The following SCN3A variants were observed in gnomAD, a reference collection of about 807,000 sequenced individuals.
The protein encoded by SCN3A is sodium channel protein type 3 subunit alpha.
SCN3A carries 60 observed loss-of-function variants against 187.6 expected under a neutral mutation model. The ratio of observed to expected loss-of-function variants is 0.32; its 90% CI spans 0.26 to 0.40. The LOEUF is 0.40. Ranked by LOEUF, SCN3A falls within the 10% of genes least tolerant of loss-of-function variation. SCN3A has a pLI of 1.00. For synonymous variants in SCN3A, 788 were observed against 829.2 expected (o/e 0.95, Z 0.85); for missense variants, 1,601 against 2,428.2 (o/e 0.66, Z 7.16).
intron 7 of SCN3A, among the ~76,000 whole-genome samples, chr2:165,163,224 TCA>T (rs1689517541): frequency 1.1e-5 from 1 of 93,324 alleles, no homozygotes; most frequent in African/African-American, 6.0e-5. Context: ...AATGTAAGTC[TCA>T]TGTCTCATGC....
At chr2:165,160,608 C>CT (rs140955112) in intron 9 of SCN3A, among the ~76,000 whole-genome samples, 34,372 of 151,584 alleles carry the variant, frequency 0.23, 5,105 homozygotes, top group East Asian at 0.52. Context: ...AAATTCTTTT[C>CT]TTTTTTTAGA....
Position 165,091,338 on chromosome 2 carries a change from A to G in SCN3A, c.4815T>C (p.Phe1605=). Residue 1605 remains phenylalanine, a synonymous_variant, in exon 28 of 28, where the codon TTT becomes TTC. Transcript: ENST00000283254. ...VVVILSIVGM[F]LAEMIEKYFV... ...AATACTTTTCTATCATCTCAGCCAG[A>G]AACATACCTATGGAAAACATAGAAC... 6.2e-7 allele frequency: 1 copy of G among 1,613,946 alleles called. No homozygotes were observed. Among genetic ancestry groups the G allele is most frequent in the Non-Finnish European group, 8.5e-7 (1 of 1,179,852 alleles).
chr2:165,112,724 T>C (rs776462254), intron 21 of SCN3A, among the ~76,000 whole-genome samples, 161 bp downstream of exon 21: 1 of 152,216 alleles, frequency 6.6e-6, no homozygotes. Context: ...TCCTCTACTC[T>C]TTCCCATGAG....
In SCN3A at chr2:165,176,268, T is replaced by C. The variant is rs1245147180; in HGVS notation, c.127A>G (p.Asn43Asp). The C allele has an allele frequency of 7.5e-7, 1 of 1,338,622 alleles. No individual in the cohort carries two copies. Among genetic ancestry groups the C allele is most frequent in the African/African-American group, 1.5e-5 (1 of 66,332 alleles). 82.9% of individuals were successfully genotyped at this position (1,338,622 alleles called of 1,614,324 possible). The change falls in exon 3 of 28, where the codon AAT becomes GAT. Residue 43 changes from asparagine (N) to aspartate (D), a missense_variant. Asn to Asp is a conservative substitution (Grantham distance 23, BLOSUM62 1). Around this residue, in one of 11 missense-constraint regions of SCN3A, gnomAD observed 74 missense variants for 77.7 expected, o/e 0.95. Coordinates refer to ENST00000283254, the MANE Select transcript of SCN3A (RefSeq NM_006922.4). ...KAKKPKKEQD[N>D]DDENKPKPNS... Reference sequence around the variant, plus strand: ...GGCTTTGGTTTGTTCTCATCATCATTATCTTGTTCCTTTTTGGGCTTCTTG... The same window carrying C: ...GGCTTTGGTTTGTTCTCATCATCATCATCTTGTTCCTTTTTGGGCTTCTTG...
chr2:165,106,575 C>T (rs1685870669), intron 21 of SCN3A, among the ~76,000 whole-genome samples: 1 of 151,560 alleles, frequency 6.6e-6, no homozygotes, highest in African/African-American at 2.4e-5. Flanking sequence ...AACTAGATAA[C>T]TACTCTGTGC....
chr2:165,143,487 G>A (rs1688137583), intron 12 of SCN3A, among the ~76,000 whole-genome samples: 1 of 152,178 alleles, frequency 6.6e-6, no homozygotes, highest in East Asian at 1.9e-4. Context: ...TCTTTGGAAT[G>A]TATAATAATG....
At chr2:165,162,169 A>T in intron 9 of SCN3A, 139 bp downstream of exon 9, 1 of 754,078 alleles carries the variant, frequency 1.3e-6, no homozygotes, top group Non-Finnish European at 2.2e-6. Context: ...AAGGCAGACA[A>T]GGCACTTCCT....
rs745450559 is a variant in SCN3A, at chr2:165,138,090, G to A, written c.2180C>T (p.Pro727Leu). The A allele has an allele frequency of 2.2e-5, 35 of 1,613,148 alleles. No homozygotes were observed. The highest frequency in any genetic ancestry group is 2.6e-5 in the Non-Finnish European group (31 of 1,179,426). ...ATTGGCAAATCTATACCAGCATGGC[G>A]GACATTTCTGTCTAGATTCTTCAAG... ...EELEESRQKC[P>L]PCWYRFANVF... Residue 727 changes from proline to leucine, a missense_variant, in exon 15 of 28, where the codon CCG becomes CTG. Transcript: ENST00000283254.
intron 2 of SCN3A, among the ~76,000 whole-genome samples, chr2:165,182,332 C>T (rs1413753711): frequency 1.3e-5 from 2 of 152,154 alleles, no homozygotes; most frequent in East Asian, 3.9e-4. Flanking sequence ...GGATTCAAGG[C>T]CTGACTCTGC....
At chr2:165,099,315 G>C (rs547858814) in intron 22 of SCN3A, among the ~76,000 whole-genome samples, 2 of 152,242 alleles carry the variant, frequency 1.3e-5, no homozygotes, top group Non-Finnish European at 2.9e-5. Context: ...GTGATTTTAT[G>C]TTTAGATGCA....
intron 25 of SCN3A, among the ~76,000 whole-genome samples, chr2:165,094,730 G>C (rs1300459356): frequency 1.3e-5 from 2 of 152,114 alleles, no homozygotes; most frequent in African/African-American, 4.8e-5. Flanking sequence ...AGGCACAAGG[G>C]TCTCAAATAT....
At chr2:165,104,279 A>G (rs1001586803) in intron 21 of SCN3A, among the ~76,000 whole-genome samples, 1 of 152,088 alleles carries the variant, frequency 6.6e-6, no homozygotes, top group African/African-American at 2.4e-5. Context: ...TAAAGCTGTT[A>G]TATTAGCAGA....
At chr2:165,091,476 T>G in intron 27 of SCN3A, 131 bp from the exon 28 acceptor site, 7 of 1,060,074 alleles carry the variant, frequency 6.6e-6, no homozygotes, top group Non-Finnish European at 8.5e-6. Flanking sequence ...TTGGATCCAC[T>G]CCCTGACATT....
At position 165,203,826 on chromosome 2, in the gene SCN3A, A is replaced by T. The variant is rs1251741929; in HGVS notation, c.-251T>A. On this transcript the variant is annotated 5_prime_UTR_variant, in exon 1 of 28. Transcript: ENST00000283254. ...ATGAAATGTTTTGTCAGCTTACCTG[A>T]TAAAACAGAGCCTTATGAATTACAG... is the stretch of plus-strand genomic sequence containing the variant. The T allele has an allele frequency of 6.6e-6, 1 of 151,738 alleles. No homozygotes were observed. The highest frequency in any genetic ancestry group is 2.4e-5 in the African/African-American group (1 of 41,326). 9.4% of individuals were successfully genotyped at this position (151,738 alleles called of 1,614,324 possible).
intron 15 of SCN3A, among the ~76,000 whole-genome samples, 179 bp from the exon 16 acceptor site, chr2:165,131,596 T>G (rs1414668765): frequency 2.0e-5 from 3 of 151,630 alleles, no homozygotes; most frequent in Non-Finnish European, 4.4e-5. Context: ...TTATTTTTAT[T>G]TATTTTATTT....
rs774769014 is a variant in SCN3A, at chr2:165,140,922, C to T, written c.1748G>A (p.Arg583Gln). ...SKTSIFSFRG[R>Q]AKDVGSENDF... ...ATTTTCAGATCCAACATCCTTTGCC[C>T]GACCTCTGAAACTGAAAATGCTTGT... is the stretch of plus-strand genomic sequence containing the variant. The change falls in exon 13 of 28, where the codon CGG becomes CAG. Residue 583 changes from arginine (R) to glutamine (Q), a missense_variant. By Grantham distance (43) the Arg-to-Gln change is conservative. Transcript: ENST00000283254. This position sits in a 1 kb window ranked among gnomAD's most constrained non-coding sequence, Gnocchi z 4.2. The T allele has an allele frequency of 8.7e-6, 14 of 1,613,958 alleles. No homozygotes were observed. In the East Asian group the frequency reaches 8.9e-5, roughly 10 times the overall value.
intron 18 of SCN3A, among the ~76,000 whole-genome samples, chr2:165,125,457 C>T (rs1046140185): frequency 2.0e-5 from 3 of 152,090 alleles, no homozygotes; most frequent in Non-Finnish European, 4.4e-5. Context: ...GTGCCCGCCA[C>T]CGCACCCAGC....
Position 165,138,133 on chromosome 2 carries a change from C to T in SCN3A, c.2153-16G>A, listed in dbSNP as rs1687781115. On this transcript the variant is annotated splice_polypyrimidine_tract_variant and intron_variant, in intron 14 of 27. Transcript: ENST00000283254. ...TCTTCAAGTTCTGGAGGGACAATAA[C>T]AAGGAAGAGTAGTAAATAACAACAA... is the stretch of plus-strand genomic sequence containing the variant. 2 of 1,568,224 alleles carry T rather than the reference C, an allele frequency of 1.3e-6. No homozygotes were observed. The highest frequency in any genetic ancestry group is 1.4e-5 in the African/African-American group (1 of 74,030).
chr2:165,163,777 C>G, intron 6 of SCN3A, 68 bp from the exon 7 acceptor site: 2 of 1,612,888 alleles, frequency 1.2e-6, no homozygotes, highest in African/African-American at 2.7e-5. Context: ...AAGGGGCCTA[C>G]TACCTTACAC....
Sources: allele counts gnomAD v4.1 joint callset (sites outside exome capture counted in the v4.1 genomes callset), GRCh38; gene constraint gnomAD v4.1.1; regional missense constraint gnomAD v4.1.1; non-coding constraint Gnocchi (gnomAD v3.1); transcripts MANE v1.5; gene names NCBI Gene and HGNC (gene_info 2026-07-23, HGNC 2026-07-21).